The following CLXN variants were observed in gnomAD, a reference collection of about 807,000 sequenced individuals.
CLXN encodes EF-hand calcium binding domain 1.
chr8:48,735,248 C>T, the CLXN span: 2 of 1,372,552 alleles, frequency 1.5e-6, no homozygotes, highest in Non-Finnish European at 1.0e-6. Flanking sequence ...GCTGGGTCAA[C>T]GCGGTGAGGT....
the CLXN span, chr8:48,735,176 G>A: frequency 1.2e-6 from 2 of 1,613,372 alleles, no homozygotes; most frequent in Non-Finnish European, 1.7e-6. Context: ...GAATCGGGCC[G>A]CGGCGGGGGT....
chr8:48,715,929 A>C, the CLXN span: 12 of 152,414 alleles, frequency 7.9e-5, 1 homozygote, highest in African/African-American at 2.9e-4. Flanking sequence ...AGAATTCAAA[A>C]TGATTGGTTT....
the CLXN span, chr8:48,729,629 G>T: frequency 2.5e-6 from 3 of 1,216,392 alleles, no homozygotes; most frequent in Admixed American, 5.0e-5. Flanking sequence ...AGCAAGCAGA[G>T]AACTGAAAAT....
At chr8:48,735,007 G>A in the CLXN span, 3 of 1,479,488 alleles carry the variant, frequency 2.0e-6, no homozygotes, top group East Asian at 2.3e-5. Flanking sequence ...CAGGCGGGAA[G>A]CAGGCACAAC....
At chr8:48,726,594 C>T in the CLXN span, among the ~76,000 whole-genome samples, 5 of 150,042 alleles carry the variant, frequency 3.3e-5, no homozygotes, top group South Asian at 4.3e-4. Flanking sequence ...TCCATCCACC[C>T]ACCCACTCAT....
At chr8:48,728,975 A>C in the CLXN span, 1 of 1,169,086 alleles carries the variant, frequency 8.6e-7, no homozygotes, top group South Asian at 1.5e-5. Flanking sequence ...CTACCCATTA[A>C]ATCAAGAAGT....
chr8:48,720,433 G>A, the CLXN span, among the ~76,000 whole-genome samples: 5 of 152,160 alleles, frequency 3.3e-5, no homozygotes, highest in South Asian at 6.2e-4. Context: ...GGCCGCTCTA[G>A]GAATGTCTGT....
At chr8:48,722,183 A>G in the CLXN span, among the ~76,000 whole-genome samples, 3 of 152,244 alleles carry the variant, frequency 2.0e-5, no homozygotes, top group Non-Finnish European at 4.4e-5. Flanking sequence ...AGCAATGATC[A>G]ACAGGTCTAT....
the CLXN span, among the ~76,000 whole-genome samples, chr8:48,726,429 C>G: frequency 6.8e-6 from 1 of 146,768 alleles, no homozygotes; most frequent in African/African-American, 2.5e-5. Context: ...CATCCATCCA[C>G]TCATCCATCT....
At chr8:48,730,676 TC>T in the CLXN span, 1 of 1,340,234 alleles carries the variant, frequency 7.5e-7, no homozygotes, top group Non-Finnish European at 1.1e-6. Context: ...GGAACACCTG[TC>T]CTGCATAATA....
the CLXN span, among the ~76,000 whole-genome samples, chr8:48,713,075 T>A: frequency 1.3e-5 from 2 of 152,016 alleles, no homozygotes; most frequent in Non-Finnish European, 2.9e-5. Context: ...CACTTTGATT[T>A]ACTTGCTACC....
chr8:48,728,123 C>T, the CLXN span, among the ~76,000 whole-genome samples: 2 of 152,242 alleles, frequency 1.3e-5, no homozygotes, highest in African/African-American at 4.8e-5. Context: ...ATCACACTGC[C>T]TGCCTCAATC....
At chr8:48,715,450 G>C in the CLXN span, 1 of 152,246 alleles carries the variant, frequency 6.6e-6, no homozygotes, top group African/African-American at 2.4e-5. Flanking sequence ...AGTGTTGGAA[G>C]CGTTTTATCT....
the CLXN span, chr8:48,735,124 T>C: frequency 6.2e-7 from 1 of 1,614,166 alleles, no homozygotes; most frequent in East Asian, 2.2e-5. Flanking sequence ...AAGGTGTCCG[T>C]CAGCTTCTGC....
the CLXN span, chr8:48,723,884 G>C: frequency 6.6e-6 from 1 of 152,600 alleles, no homozygotes. Context: ...CAGGACAGAG[G>C]GGGGCTTTGG....
chr8:48,724,837 C>CA, the CLXN span: 2 of 1,577,162 alleles, frequency 1.3e-6, no homozygotes, highest in Non-Finnish European at 1.7e-6. Context: ...TATAAATTTC[C>CA]AAAAAAGGTA....
chr8:48,730,835 T>A, the CLXN span, among the ~76,000 whole-genome samples: 1 of 152,206 alleles, frequency 6.6e-6, no homozygotes, highest in Non-Finnish European at 1.5e-5. Context: ...ATTCAATTTT[T>A]AAAATGTTTT....
At chr8:48,730,584 C>A in the CLXN span, 1 of 1,611,942 alleles carries the variant, frequency 6.2e-7, no homozygotes, top group South Asian at 1.1e-5. Flanking sequence ...CAGTGATAAT[C>A]CATGAATCCA....
At chr8:48,728,989 G>T in the CLXN span, 1 of 1,354,646 alleles carries the variant, frequency 7.4e-7, no homozygotes, top group Non-Finnish European at 1.0e-6. Flanking sequence ...AAGAAGTCCT[G>T]GGTTGTTCTA....
Sources: allele counts gnomAD v4.1 joint callset (sites outside exome capture counted in the v4.1 genomes callset), GRCh38; gene constraint gnomAD v4.1.1; transcripts MANE v1.5; gene names NCBI Gene and HGNC (gene_info 2026-07-23, HGNC 2026-07-21).